The following FBLN5 variants were observed in gnomAD, a reference collection of about 807,000 sequenced individuals.
FBLN5 encodes fibulin 5, also known as fibulin-5.
Under a neutral mutation model 61.6 loss-of-function variants are expected in FBLN5, and 24 were observed. The ratio of observed to expected loss-of-function variants is 0.39; its 90% CI spans 0.28 to 0.55. The LOEUF (loss-of-function observed/expected upper bound fraction) is 0.55, where lower values mean the gene tolerates loss of function less well. Ranked by LOEUF, FBLN5 falls within the 20% of genes least tolerant of loss-of-function variation. The pLI, the probability that FBLN5 is intolerant of heterozygous loss-of-function variation, is 0.65. For missense variants in FBLN5, 470 were observed against 594.1 expected (o/e 0.79, Z 2.17); for synonymous variants, 213 against 219.8 (o/e 0.97, Z 0.27).
In FBLN5 at chr14:91,936,929, A is replaced by G. The variant is rs1193411987; in HGVS notation, c.379+18T>C. Reference sequence around the variant, plus strand: ...CACCAAAGCACAGCGGAGAGGAACAAAAGGCCGGGCTACTCACCCACACAT... The same window carrying G: ...CACCAAAGCACAGCGGAGAGGAACAGAAGGCCGGGCTACTCACCCACACAT... On this transcript the variant is annotated intron_variant, in intron 4 of 10. Coordinates refer to ENST00000342058, the MANE Select transcript of FBLN5 (RefSeq NM_006329.4). 2.5e-6 allele frequency: 4 copies of G among 1,614,044 alleles called. No individual in the cohort carries two copies. The African/African-American group carries it at 5.3e-5, about 22-fold the overall frequency.
chr14:91,913,270 T>C (rs1722258793), intron 4 of FBLN5, among the ~76,000 whole-genome samples: 2 of 152,180 alleles, frequency 1.3e-5, no homozygotes, highest in Non-Finnish European at 2.9e-5. Flanking sequence ...AAAATGGGAA[T>C]ATCATGCCTG....
rs2056145660 is a variant in FBLN5, at chr14:91,943,936, G to A, written c.18-975C>T. 1.3e-5 allele frequency among the ~76,000 whole-genome samples: 2 copies of A among 152,300 alleles called. No individual in the cohort carries two copies. Among genetic ancestry groups the A allele is most frequent in the South Asian group, 4.1e-4 (2 of 4,826 alleles). ...AGTCACGCACCCTGGGCTCAGTTCT[G>A]CCATGCACAAGACAGTGATGCTCTG... On this transcript the variant is annotated intron_variant, in intron 1 of 10. Coordinates refer to ENST00000342058, the MANE Select transcript of FBLN5 (RefSeq NM_006329.4). This position sits in a 1 kb window ranked among gnomAD's most constrained non-coding sequence, Gnocchi z 4.0.
chr14:91,940,492 G>A, intron 3 of FBLN5, 73 bp downstream of exon 3: 2 of 1,252,518 alleles, frequency 1.6e-6, no homozygotes, highest in Non-Finnish European at 2.3e-6. Flanking sequence ...TTGAACAACA[G>A]AGAAAGAAAT....
chr14:91,876,838 G>GT (rs1889185199), intron 10 of FBLN5, among the ~76,000 whole-genome samples: 1 of 152,126 alleles, frequency 6.6e-6, no homozygotes, highest in African/African-American at 2.4e-5. Context: ...AGTTTTTATT[G>GT]TTTTTCAGAG....
intron 4 of FBLN5, among the ~76,000 whole-genome samples, chr14:91,901,404 T>C (rs1367384297): frequency 6.6e-6 from 1 of 152,198 alleles, no homozygotes; most frequent in African/African-American, 2.4e-5. Context: ...TTTTTGGATA[T>C]GGCAAAAATC....
intron 9 of FBLN5, among the ~76,000 whole-genome samples, chr14:91,879,570 C>CA (rs5810558): frequency 0.72 from 108,912 of 152,094 alleles, 39,312 homozygotes; most frequent in East Asian, 0.84. Context: ...CAGCCACAGA[C>CA]GGGGTGGCCT....
chr14:91,912,681 G>A (rs561662280), intron 4 of FBLN5, among the ~76,000 whole-genome samples: 1 of 151,958 alleles, frequency 6.6e-6, no homozygotes, highest in South Asian at 2.1e-4. Flanking sequence ...ATAGTGGTGT[G>A]CACCCGTGGT....
At chr14:91,935,295 C>T (rs2055995229) in intron 4 of FBLN5, among the ~76,000 whole-genome samples, 1 of 152,236 alleles carries the variant, frequency 6.6e-6, no homozygotes, top group African/African-American at 2.4e-5. Flanking sequence ...GAGAAAGCCG[C>T]AGCAGTTCCC....
rs546633092 is a variant in FBLN5, at chr14:91,870,047, G to A, written c.*177C>T. The A allele has an allele frequency of 6.5e-5, 44 of 679,296 alleles. 1 individual carries two copies. The South Asian group carries it at 7.1e-4, about 11-fold the overall frequency. 42.1% of individuals were successfully genotyped at this position (679,296 alleles called of 1,614,324 possible). On this transcript the variant is annotated 3_prime_UTR_variant, in exon 11 of 11. Coordinates refer to ENST00000342058, the MANE Select transcript of FBLN5 (RefSeq NM_006329.4). ...GGAACTGGGGGTGGCAAGTCCTGCA[G>A]GGTGACAGGTCTGCAATAGTACAGG... is the stretch of plus-strand genomic sequence containing the variant.
At chr14:91,939,973 T>G (rs924610471) in intron 3 of FBLN5, 17 of 453,586 alleles carry the variant, frequency 3.7e-5, no homozygotes, top group Non-Finnish European at 6.6e-5. Context: ...AAGAAGAGAT[T>G]CAAAGTGAGA....
chr14:91,881,332 G>T lies in FBLN5; in HGVS notation c.949C>A (p.Pro317Thr). The change falls in exon 9 of 11, where the codon CCC becomes ACC. Residue 317 changes from proline (P) to threonine (T), a missense_variant. By Grantham distance (38) the Pro-to-Thr change is conservative. Coordinates refer to ENST00000342058, the MANE Select transcript of FBLN5 (RefSeq NM_006329.4). ...AGATAAGGCTCCTCACAGCGGATGG[G>T]GTCAATGCATTTGAAGCCCCCTTGT... ...NLQGGFKCID[P>T]IRCEEPYLRI... is the part of the protein sequence containing the mutation. The T allele has an allele frequency of 2.5e-6, 4 of 1,614,132 alleles. No individual in the cohort carries two copies. The highest frequency in any genetic ancestry group is 3.4e-6 in the Non-Finnish European group (4 of 1,179,982).
At chr14:91,883,199 C>T (rs1033898771) in intron 7 of FBLN5, 123 bp from the exon 8 acceptor site, 3 of 1,095,268 alleles carry the variant, frequency 2.7e-6, no homozygotes, top group African/African-American at 3.1e-5. Flanking sequence ...TGCCAAGAAG[C>T]TGTCAATTCA....
chr14:91,914,637 T>C (rs933435237), intron 4 of FBLN5, among the ~76,000 whole-genome samples: 1 of 145,196 alleles, frequency 6.9e-6, no homozygotes, highest in African/African-American at 2.6e-5. Flanking sequence ...CTCGAAAAAA[T>C]AAAAAAAGAA....
At chr14:91,909,114 TC>T (rs1172797776) in intron 4 of FBLN5, among the ~76,000 whole-genome samples, 1 of 151,998 alleles carries the variant, frequency 6.6e-6, no homozygotes, top group East Asian at 1.9e-4. Context: ...AGATGGGGTT[TC>T]ACCGTGTTAG....
In FBLN5 at chr14:91,881,522, A is replaced by G. The variant is rs547120129; in HGVS notation, c.863-104T>C. ...TCTTACTACAGAGCTGTACTATCCA[A>G]TATGGCAGCAACAGGCCATATGTGG... On this transcript the variant is annotated intron_variant, in intron 8 of 10. Transcript: ENST00000342058. 33 of 1,283,406 alleles carry G rather than the reference A, an allele frequency of 2.6e-5. No homozygotes were observed. The East Asian group carries it at 5.3e-4, about 21-fold the overall frequency. 79.5% of individuals were successfully genotyped at this position (1,283,406 alleles called of 1,614,324 possible).
At chr14:91,932,819 G>T (rs2055948136) in intron 4 of FBLN5, among the ~76,000 whole-genome samples, 1 of 152,194 alleles carries the variant, frequency 6.6e-6, no homozygotes, top group African/African-American at 2.4e-5. Flanking sequence ...CAAATAAGTG[G>T]CCAGGGAAAC....
At chr14:91,930,637 AG>A (rs2092635877) in intron 4 of FBLN5, among the ~76,000 whole-genome samples, 1 of 152,202 alleles carries the variant, frequency 6.6e-6, no homozygotes, top group South Asian at 2.1e-4. Context: ...AACTAAGAAA[AG>A]TCTGTTGGAG....
chr14:91,879,045 G>A (rs1442631340), intron 9 of FBLN5, among the ~76,000 whole-genome samples: 15 of 152,198 alleles, frequency 9.9e-5, no homozygotes, highest in Admixed American at 7.9e-4. Context: ...GCACCACTGC[G>A]CTCCAGCCTG....
At chr14:91,945,254 A>C (rs1428485382) in intron 1 of FBLN5, among the ~76,000 whole-genome samples, 1 of 151,980 alleles carries the variant, frequency 6.6e-6, no homozygotes, top group African/African-American at 2.4e-5. Context: ...AAGAAAATCT[A>C]AACAAAAGCA....
Sources: allele counts gnomAD v4.1 joint callset (sites outside exome capture counted in the v4.1 genomes callset), GRCh38; gene constraint gnomAD v4.1.1; non-coding constraint Gnocchi (gnomAD v3.1); transcripts MANE v1.5; gene names NCBI Gene and HGNC (gene_info 2026-07-23, HGNC 2026-07-21).